The following DNAH12 variants were observed in gnomAD, a reference collection of about 807,000 sequenced individuals.
DNAH12 encodes axonemal beta dynein heavy chain 12.
DNAH12 carries 285 observed loss-of-function variants against 371.5 expected under a neutral mutation model. That is an observed-to-expected ratio of 0.77 (90% CI 0.70 to 0.85). DNAH12 has a LOEUF of 0.85. Ranked by LOEUF, DNAH12 falls within the 40% of genes least tolerant of loss-of-function variation. The pLI is 0.00. For missense variants in DNAH12, 3,611 were observed against 3,689.4 expected (o/e 0.98, Z 0.55); for synonymous variants, 1,200 against 1,213.0 (o/e 0.99, Z 0.22).
At chr3:57,339,224 G>C (rs1043753018) in intron 60 of DNAH12, among the ~76,000 whole-genome samples, 8 of 152,140 alleles carry the variant, frequency 5.3e-5, no homozygotes, top group Admixed American at 1.3e-4. Context: ...CAAGTACCCA[G>C]GGACACAAAC....
At chr3:57,325,698 G>A (rs1249598659) in intron 62 of DNAH12, among the ~76,000 whole-genome samples, 1 of 152,204 alleles carries the variant, frequency 6.6e-6, no homozygotes. Context: ...TTCCTCACCA[G>A]CAATGGAACA....
chr3:57,294,266 T>C (rs1440205959), intron 73 of DNAH12, among the ~76,000 whole-genome samples: 1 of 149,322 alleles, frequency 6.7e-6, no homozygotes, highest in African/African-American at 2.5e-5. Flanking sequence ...AACCTCTGCC[T>C]CCCAGGTTCA....
chr3:57,501,790 T>C (rs937701638), intron 10 of DNAH12, among the ~76,000 whole-genome samples: 1 of 152,214 alleles, frequency 6.6e-6, no homozygotes. Flanking sequence ...TCTCAGAAAC[T>C]ACCTTGCTTT....
At chr3:57,372,885 A>G (rs1466722283) in intron 55 of DNAH12, among the ~76,000 whole-genome samples, 1 of 152,326 alleles carries the variant, frequency 6.6e-6, no homozygotes, top group Non-Finnish European at 1.5e-5. Context: ...AATGATCTAA[A>G]TACTGTGATT....
rs574725577 is a variant in DNAH12, at chr3:57,461,450, G to A, written c.2736+39C>T. 45 of 1,537,660 alleles carry A rather than the reference G, an allele frequency of 2.9e-5. No individual in the cohort carries two copies. In the East Asian group the frequency reaches 6.9e-4, roughly 23 times the overall value. ...CGTATATGTAATAGGATTGCAATCC[G>A]TATAAATGACCAAGAGCTGATTATC... is the stretch of plus-strand genomic sequence containing the variant. On this transcript the variant is annotated intron_variant, in intron 19 of 73. Coordinates refer to ENST00000495027, the MANE Select transcript of DNAH12 (RefSeq NM_001366028.2).
chr3:57,543,319 T>G (rs974639558), intron 1 of DNAH12, among the ~76,000 whole-genome samples: 4 of 126,730 alleles, frequency 3.2e-5, no homozygotes, highest in South Asian at 5.4e-4. Context: ...TTAATGGTTT[T>G]TTTTTTTTTT....
chr3:57,300,843 T>C (rs1170426988), intron 70 of DNAH12, among the ~76,000 whole-genome samples: 1 of 151,996 alleles, frequency 6.6e-6, no homozygotes, highest in East Asian at 1.9e-4. Flanking sequence ...TACTCCTTCA[T>C]AAACATCAAC....
At chr3:57,481,824 G>T (rs1410668004) in intron 13 of DNAH12, among the ~76,000 whole-genome samples, 1 of 151,694 alleles carries the variant, frequency 6.6e-6, no homozygotes, top group Admixed American at 6.6e-5. Context: ...ATGGGGAAAG[G>T]ATTCCCTATT....
chr3:57,405,791 A>G lies in DNAH12; in HGVS notation c.6438T>C (p.Val2146=). Residue 2146 remains valine, a synonymous_variant, in exon 41 of 74, where the codon GTT becomes GTC. Transcript: ENST00000495027. ...HTMIRLFVHE[V]LRVFYDRLIN... Reference sequence around the variant, plus strand: ...TGAGGCGATCATAAAACACTCGGAGAACCTCATGCACAAACAGACGGATCA... The same window carrying G: ...TGAGGCGATCATAAAACACTCGGAGGACCTCATGCACAAACAGACGGATCA... 6.4e-7 allele frequency: 1 copy of G among 1,551,696 alleles called. No individual in the cohort carries two copies. Among genetic ancestry groups the G allele is most frequent in the Non-Finnish European group, 8.7e-7 (1 of 1,146,992 alleles).
At chr3:57,478,626 A>G (rs1410111670) in intron 13 of DNAH12, among the ~76,000 whole-genome samples, 2 of 152,164 alleles carry the variant, frequency 1.3e-5, no homozygotes, top group Non-Finnish European at 2.9e-5. Context: ...TAATTGTCAG[A>G]TTCACCAAAG....
chr3:57,550,364 A>G, the DNAH12 span, among the ~76,000 whole-genome samples: 6 of 152,176 alleles, frequency 3.9e-5, no homozygotes, highest in Admixed American at 3.9e-4. Flanking sequence ...AATATTAATA[A>G]TAAAACCTTA....
At chr3:57,459,385 A>G (rs1241341605) in intron 20 of DNAH12, among the ~76,000 whole-genome samples, 1 of 152,248 alleles carries the variant, frequency 6.6e-6, no homozygotes, top group African/African-American at 2.4e-5. Context: ...TCCACCAGGT[A>G]TACTAAAGAG....
At chr3:57,517,488 T>G (rs760522957) in intron 4 of DNAH12, among the ~76,000 whole-genome samples, 96 of 152,076 alleles carry the variant, frequency 6.3e-4, no homozygotes, top group Non-Finnish European at 1.1e-3. Flanking sequence ...CACTGAAATA[T>G]TAGATAGAAA....
chr3:57,331,582 G>A (rs536614211), intron 62 of DNAH12, among the ~76,000 whole-genome samples: 1 of 152,204 alleles, frequency 6.6e-6, no homozygotes, highest in East Asian at 1.9e-4. Context: ...CAGAGACAGA[G>A]CATTAGATAA....
intron 36 of DNAH12, among the ~76,000 whole-genome samples, chr3:57,421,205 G>T (rs2153360976): frequency 6.6e-6 from 1 of 152,138 alleles, no homozygotes; most frequent in Admixed American, 6.5e-5. Flanking sequence ...GCTCTATCTA[G>T]ATCTTATGGG....
intron 1 of DNAH12, among the ~76,000 whole-genome samples, chr3:57,543,235 TACC>T (rs375654166): frequency 1.3e-5 from 2 of 148,778 alleles, no homozygotes; most frequent in East Asian, 2.0e-4. Context: ...TGCAAACCAC[TACC>T]ACCACCACCA....
intron 58 of DNAH12, among the ~76,000 whole-genome samples, chr3:57,363,265 A>T (rs1160832959): frequency 1.3e-5 from 2 of 152,108 alleles, no homozygotes; most frequent in African/African-American, 2.4e-5. Context: ...AATACTTCTA[A>T]TAATACCTTA....
chr3:57,538,580 G>A (rs994988420), intron 2 of DNAH12, among the ~76,000 whole-genome samples: 1 of 152,172 alleles, frequency 6.6e-6, no homozygotes, highest in Non-Finnish European at 1.5e-5. Flanking sequence ...CATACTCTGT[G>A]CTTATGACAT....
chr3:57,296,319 G>A (rs1438767812), intron 72 of DNAH12, 25 bp downstream of exon 72: 1 of 1,509,438 alleles, frequency 6.6e-7, no homozygotes, highest in South Asian at 1.2e-5. Context: ...CAAATGAAGA[G>A]GTCCTGGCAG....
Sources: gnomAD v4.1 joint callset for allele counts (sites outside exome capture counted in the v4.1 genomes callset) on GRCh38, gnomAD v4.1.1 for gene constraint, MANE v1.5 for transcripts, NCBI Gene and HGNC (gene_info 2026-07-23, HGNC 2026-07-21) for gene names.